Variants in GABPB2 observed in about 807,000 individuals in gnomAD.
GABPB2 encodes the protein GA-binding protein subunit beta-2.
A neutral mutation model predicts 39.1 loss-of-function variants in GABPB2; 23 were observed. The observed-to-expected ratio is 0.59, with a 90% CI of 0.42 to 0.83. GABPB2 has a LOEUF of 0.83. Among genes scored for constraint, GABPB2 ranks in the 40% least tolerant of loss-of-function variants. The pLI, the probability that GABPB2 is intolerant of heterozygous loss-of-function variation, is 0.00. For synonymous variants in GABPB2, 184 were observed against 199.3 expected (o/e 0.92, Z 0.65); for missense variants, 467 against 541.1 (o/e 0.86, Z 1.36).
intron 2 of GABPB2, among the ~76,000 whole-genome samples, chr1:151,089,515 G>A (rs1049586636): frequency 4.6e-5 from 7 of 152,100 alleles, no homozygotes; most frequent in Admixed American, 1.3e-4. Flanking sequence ...TTTTTATTGC[G>A]TCTTCATCTC....
chr1:151,077,405 G>A (rs1482681061), intron 1 of GABPB2, among the ~76,000 whole-genome samples: 1 of 137,854 alleles, frequency 7.3e-6, no homozygotes, highest in Non-Finnish European at 1.5e-5. Flanking sequence ...TCACCAGGCT[G>A]GAGTGCAGTG....
At chr1:151,083,327 A>G (rs1357643301) in intron 1 of GABPB2, among the ~76,000 whole-genome samples, 1 of 152,204 alleles carries the variant, frequency 6.6e-6, no homozygotes, top group African/African-American at 2.4e-5. Context: ...GTAATTGATA[A>G]TTGGCAATAA....
At position 151,118,571 on chromosome 1, in the gene GABPB2, CAA is replaced by C. The variant is rs1681057143; in HGVS notation, c.*318_*319del. 4.3e-6 allele frequency: 1 copy of C among 232,318 alleles called. No homozygotes were observed. The highest frequency in any genetic ancestry group is 8.4e-6 in the Non-Finnish European group (1 of 118,682). The allele number at this position is 232,318 out of a possible 1,614,324, so 14.4% of individuals were successfully genotyped here. A position where few individuals can be genotyped will look rare whatever the true frequency, so the allele number is the denominator to read the frequency against. The stretch of plus-strand genomic sequence containing the variant: ...TTTTTTTAAATAACTGACTTTCTCA[CAA>C]AAGATTTTAAGATAACATTTCTAAT... On this transcript the variant is annotated 3_prime_UTR_variant, in exon 9 of 9. Transcript: ENST00000368918.
At chr1:151,088,398 C>A in intron 2 of GABPB2, 101 bp downstream of exon 2, 2 of 1,241,504 alleles carry the variant, frequency 1.6e-6, no homozygotes, top group African/African-American at 1.5e-5. Flanking sequence ...CACTCCCTTT[C>A]TACCTCATAT....
chr1:151,091,406 A>ACAATT (rs1158191198), intron 3 of GABPB2, among the ~76,000 whole-genome samples: 2 of 148,860 alleles, frequency 1.3e-5, no homozygotes, highest in Non-Finnish European at 3.0e-5. Flanking sequence ...ATTTATTAAA[A>ACAATT]CAATTTTTTT....
chr1:151,101,164 A>G (rs11204778), intron 5 of GABPB2, among the ~76,000 whole-genome samples: 119,433 of 151,994 alleles, frequency 0.79, 47,116 homozygotes, highest in East Asian at 0.91. Flanking sequence ...GAGGTGGGAG[A>G]ACAGCTTGGG....
At chr1:151,103,517 T>A in intron 5 of GABPB2, 45 bp from the exon 6 acceptor site, 1 of 1,331,578 alleles carries the variant, frequency 7.5e-7, no homozygotes, top group Non-Finnish European at 1.1e-6. Flanking sequence ...TTTGCCTCAA[T>A]TTTTTCTCTA....
At chr1:151,103,346 C>T (rs1283184092) in intron 5 of GABPB2, among the ~76,000 whole-genome samples, 1 of 151,932 alleles carries the variant, frequency 6.6e-6, no homozygotes, top group African/African-American at 2.4e-5. Context: ...GCGCCCGGCC[C>T]TCCAAGTATA....
Position 151,121,572 on chromosome 1 carries a change from G to A in GABPB2, c.*3316G>A, listed in dbSNP as rs371326987. The A allele has an allele frequency of 2.0e-5, 3 of 152,222 alleles. No individual in the cohort carries two copies. The highest frequency in any genetic ancestry group is 7.2e-5 in the African/African-American group (3 of 41,384). 9.4% of individuals were successfully genotyped at this position (152,222 alleles called of 1,614,324 possible). On this transcript the variant is annotated 3_prime_UTR_variant, in exon 9 of 9. Transcript: ENST00000368918. ...TCCTGCCTCAGCCTCCCGAGTAGCTGGGACTACAGGCATGCGCCACAATGC... is the reference window on the plus strand; with the variant it reads ...TCCTGCCTCAGCCTCCCGAGTAGCTAGGACTACAGGCATGCGCCACAATGC...
chr1:151,084,532 G>GTTT (rs759845986), intron 1 of GABPB2, among the ~76,000 whole-genome samples: 14 of 98,606 alleles, frequency 1.4e-4, no homozygotes, highest in African/African-American at 2.0e-4. Flanking sequence ...GGCCCTAGCT[G>GTTT]TTTTTTTTTT....
intron 1 of GABPB2, among the ~76,000 whole-genome samples, chr1:151,072,662 A>G (rs1676828033): frequency 6.6e-6 from 1 of 152,100 alleles, no homozygotes; most frequent in South Asian, 2.1e-4. Context: ...CCTGGCTAAC[A>G]TGGTGAAACC....
intron 1 of GABPB2, among the ~76,000 whole-genome samples, chr1:151,076,301 T>G (rs951090727): frequency 1.4e-4 from 22 of 152,182 alleles, no homozygotes; most frequent in Non-Finnish European, 1.8e-4. Flanking sequence ...TGATCCAGAT[T>G]TTTACATTAC....
intron 6 of GABPB2, among the ~76,000 whole-genome samples, chr1:151,104,467 C>T (rs1468466390): frequency 1.3e-5 from 2 of 152,198 alleles, no homozygotes; most frequent in Non-Finnish European, 2.9e-5. Context: ...GATCTCTACT[C>T]AGATGTATAT....
At position 151,098,630 on chromosome 1, in the gene GABPB2, G is replaced by A. The variant is rs587682643; in HGVS notation, c.622+628G>A. Among the ~76,000 whole-genome samples, 8 of 152,142 alleles carry A rather than the reference G, an allele frequency of 5.3e-5. No individual in the cohort carries two copies. The East Asian group carries it at 1.3e-3, about 26-fold the overall frequency. On this transcript the variant is annotated intron_variant, in intron 5 of 8. Transcript: ENST00000368918. ...GGGAAATAAACATTAATAGTTTAAA[G>A]CAGTAACAAAGCAGAATAAACATAA...
chr1:151,076,370 A>C (rs1677168011), intron 1 of GABPB2, among the ~76,000 whole-genome samples: 1 of 152,192 alleles, frequency 6.6e-6, no homozygotes, highest in African/African-American at 2.4e-5. Context: ...TCACAGGAAT[A>C]AGCAGAGTTA....
chr1:151,109,430 C>G (rs1451410293), intron 7 of GABPB2, among the ~76,000 whole-genome samples: 1 of 148,894 alleles, frequency 6.7e-6, no homozygotes, highest in East Asian at 2.0e-4. Context: ...ACAATCTCGG[C>G]TCACTGCAAC....
At chr1:151,107,930 G>A (rs995110577) in intron 7 of GABPB2, among the ~76,000 whole-genome samples, 1 of 150,698 alleles carries the variant, frequency 6.6e-6, no homozygotes, top group Non-Finnish European at 1.5e-5. Context: ...GTGAGACTCT[G>A]TCTTTAAAAA....
intron 7 of GABPB2, among the ~76,000 whole-genome samples, chr1:151,112,937 ATT>A (rs761548195): frequency 1.4e-5 from 2 of 140,458 alleles, no homozygotes; most frequent in Non-Finnish European, 1.6e-5. Flanking sequence ...CGCCTGGCTA[ATT>A]TTTTTTTTTT....
chr1:151,082,747 AG>A (rs1677835936), intron 1 of GABPB2, among the ~76,000 whole-genome samples: 1 of 151,982 alleles, frequency 6.6e-6, no homozygotes, highest in South Asian at 2.1e-4. Flanking sequence ...TTACGAAGGC[AG>A]GAGGATTGCT....
Sources: gnomAD v4.1 joint callset for allele counts (sites outside exome capture counted in the v4.1 genomes callset) on GRCh38, gnomAD v4.1.1 for gene constraint, MANE v1.5 for transcripts, NCBI Gene and HGNC (gene_info 2026-07-23, HGNC 2026-07-21) for gene names.